The following HK1 variants were observed in gnomAD, a reference collection of about 807,000 sequenced individuals.
HK1 encodes the protein hexokinase-1.
Under a neutral mutation model 91.6 loss-of-function variants are expected in HK1, and 28 were observed. That is an observed-to-expected ratio of 0.31 (90% confidence interval 0.23 to 0.42). The LOEUF is 0.42. Among genes scored for constraint, HK1 ranks in the 10% least tolerant of loss-of-function variants. HK1 has a pLI of 1.00. For synonymous variants in HK1, 430 were observed against 468.1 expected (o/e 0.92, Z 1.05); for missense variants, 770 against 1,219.8 (o/e 0.63, Z 5.49).
intron 5 of HK1, among the ~76,000 whole-genome samples, chr10:69,305,427 T>A (rs1846056896): frequency 6.6e-6 from 1 of 152,212 alleles, no homozygotes; most frequent in Non-Finnish European, 1.5e-5. Flanking sequence ...CTGTGTCAGC[T>A]GCGCCTGCCT....
At chr10:69,281,357 C>T (rs1182281755) in intron 1 of HK1, among the ~76,000 whole-genome samples, 1 of 152,232 alleles carries the variant, frequency 6.6e-6, no homozygotes, top group Admixed American at 6.5e-5. Flanking sequence ...AGCCAGCCCA[C>T]TCTCAGTAAA....
rs142421184 is a variant in HK1, at chr10:69,300,983, G to A, written c.27+122G>A. 3,327 of 595,450 alleles carry A rather than the reference G, an allele frequency of 5.6e-3. 79 individuals carry two copies. Among genetic ancestry groups the A allele is most frequent in the African/African-American group, 0.055 (2,938 of 53,618 alleles). The allele number at this position is 595,450 out of a possible 1,614,324, so 36.9% of individuals were successfully genotyped here. A position where few individuals can be genotyped will look rare whatever the true frequency, so the allele number is the denominator to read the frequency against. On this transcript the variant is annotated intron_variant, in intron 5 of 21. Transcript: ENST00000360289. ...ATTGTAGCCAGGCACGGTGGCTCAC[G>A]CCTGTAATCCCAGCACTTTGGGAGG... is the stretch of plus-strand genomic sequence containing the variant.
At chr10:69,368,296 G>A (rs1849809152) in intron 4 of HK1, among the ~76,000 whole-genome samples, 2 of 152,252 alleles carry the variant, frequency 1.3e-5, no homozygotes, top group Admixed American at 1.3e-4. Flanking sequence ...CTTCTGGAGT[G>A]AACTGGATAT....
intron 2 of HK1, chr10:69,282,815 T>C (rs1300065704): frequency 6.6e-6 from 1 of 152,104 alleles, no homozygotes; most frequent in Non-Finnish European, 1.5e-5. Flanking sequence ...CCTGTCCTTC[T>C]CTGTAAAACA....
upstream of HK1, among the ~76,000 whole-genome samples, chr10:69,311,267 C>T (rs1037719433): frequency 1.3e-5 from 2 of 152,142 alleles, no homozygotes; most frequent in African/African-American, 4.8e-5. Context: ...TCTGACACCC[C>T]CATTCCATCA....
chr10:69,318,761 C>G, upstream of HK1: 1 of 1,203,270 alleles, frequency 8.3e-7, no homozygotes, highest in Non-Finnish European at 1.1e-6. Flanking sequence ...GGCTGTCACC[C>G]TCCAGGGGAC....
At chr10:69,279,926 G>C (rs1280958173) in intron 1 of HK1, among the ~76,000 whole-genome samples, 1 of 152,154 alleles carries the variant, frequency 6.6e-6, no homozygotes, top group Non-Finnish European at 1.5e-5. Flanking sequence ...GCATGTATAA[G>C]TCCAGGAGCT....
intron 1 of HK1, among the ~76,000 whole-genome samples, chr10:69,323,529 A>G (rs1847163665): frequency 6.6e-6 from 1 of 151,246 alleles, no homozygotes; most frequent in Non-Finnish European, 1.5e-5. Context: ...TCAAAAAAAA[A>G]AAAAAAAAAA....
chr10:69,389,707 G>T (rs184344011), intron 14 of HK1, among the ~76,000 whole-genome samples: 9 of 152,226 alleles, frequency 5.9e-5, no homozygotes, highest in African/African-American at 2.2e-4. Context: ...GGCTGGAAAG[G>T]AAGTAGAGAG....
chr10:69,379,217 A>G (rs1839265468), intron 8 of HK1, among the ~76,000 whole-genome samples: 1 of 152,200 alleles, frequency 6.6e-6, no homozygotes, highest in South Asian at 2.1e-4. Flanking sequence ...CTGTATTTCT[A>G]TCAGCAATAA....
chr10:69,361,556 C>G (rs1451415468), intron 3 of HK1, among the ~76,000 whole-genome samples: 1 of 152,178 alleles, frequency 6.6e-6, no homozygotes, highest in Non-Finnish European at 1.5e-5. Context: ...GCAAACATTC[C>G]CTGTGTGTTT....
intron 1 of HK1, among the ~76,000 whole-genome samples, chr10:69,323,170 G>T (rs923674133): frequency 5.3e-5 from 8 of 151,288 alleles, no homozygotes; most frequent in Non-Finnish European, 8.8e-5. Context: ...TGCTTGAACC[G>T]GGGAGGCGGA....
upstream of HK1, among the ~76,000 whole-genome samples, chr10:69,317,097 A>G (rs1846687017): frequency 6.6e-6 from 1 of 152,224 alleles, no homozygotes; most frequent in Non-Finnish European, 1.5e-5. Flanking sequence ...AAATATAAAT[A>G]TACAAATATC....
At chr10:69,277,978 A>T (rs1221504422) in intron 1 of HK1, among the ~76,000 whole-genome samples, 1 of 152,072 alleles carries the variant, frequency 6.6e-6, no homozygotes, top group Non-Finnish European at 1.5e-5. Context: ...GGTTGCAGTG[A>T]GCCGAGATTG....
At chr10:69,362,167 G>A (rs1289803368) in intron 3 of HK1, among the ~76,000 whole-genome samples, 6 of 152,136 alleles carry the variant, frequency 3.9e-5, no homozygotes, top group Non-Finnish European at 7.3e-5. Context: ...AATAGTAAAT[G>A]TTTTAAGTTT....
At position 69,303,559 on chromosome 10, in the gene HK1, C is replaced by T. The variant is rs146703075; in HGVS notation, c.27+2698C>T. On this transcript the variant is annotated intron_variant, in intron 5 of 21. Coordinates refer to the HK1 transcript ENST00000360289. ...AGTGACCGGCCTGTAGAGACAGTAG[C>T]GGAGTCAACCCCCAGTCCAAGAGAA... is the stretch of plus-strand genomic sequence containing the variant. Among the ~76,000 whole-genome samples the T allele has an allele frequency of 2.1e-3, 315 of 152,228 alleles. 2 individuals are homozygous for T. The highest frequency in any genetic ancestry group is 6.8e-3 in the African/African-American group (284 of 41,544).
intron 12 of HK1, among the ~76,000 whole-genome samples, chr10:69,385,615 G>A (rs749842605): frequency 5.3e-5 from 8 of 152,214 alleles, no homozygotes; most frequent in Non-Finnish European, 7.3e-5. Context: ...AGGTGGAGAC[G>A]TGACCAGGCA....
At chr10:69,399,108 GGGGCT>G (rs1247340166) in intron 17 of HK1, among the ~76,000 whole-genome samples, 1 of 152,208 alleles carries the variant, frequency 6.6e-6, no homozygotes, top group African/African-American at 2.4e-5. Context: ...CCCTTAGGTG[GGGGCT>G]AGGCAGTGGG....
chr10:69,337,524 C>T (rs764353876), intron 1 of HK1, among the ~76,000 whole-genome samples: 10 of 152,214 alleles, frequency 6.6e-5, no homozygotes, highest in Non-Finnish European at 1.5e-4. Flanking sequence ...AGGGCCAGTG[C>T]ACATGTGAGC....
Sources: allele counts gnomAD v4.1 joint callset (sites outside exome capture counted in the v4.1 genomes callset), GRCh38; gene constraint gnomAD v4.1.1; transcripts MANE v1.5; gene names NCBI Gene and HGNC (gene_info 2026-07-23, HGNC 2026-07-21).